LSM2: variants seen among roughly 807,000 people sequenced by gnomAD.
LSM2 encodes the protein U6 snRNA-associated Sm-like protein LSm2.
Under a neutral mutation model 17.0 loss-of-function variants are expected in LSM2, and 12 were observed. The ratio of observed to expected loss-of-function variants is 0.70; its 90% CI spans 0.45 to 1.14. The LOEUF is 1.14. Among genes scored for constraint, LSM2 ranks in the 50% most tolerant of loss-of-function variants. The probability of loss-of-function intolerance (pLI) is 0.00; values close to 1 mark genes in which losing one functional copy is unlikely to be tolerated. For synonymous variants in LSM2, 42 were observed against 44.5 expected, an observed-to-expected ratio of 0.94 and a Z score of 0.22; for missense variants, 62 against 111.8, an observed-to-expected ratio of 0.55 and a Z score of 2.01.
chr6:31,797,571 C>T lies in LSM2; in HGVS notation c.*186G>A. On this transcript the variant is annotated 3_prime_UTR_variant, in exon 5 of 5. Coordinates refer to ENST00000375661, the MANE Select transcript of LSM2 (RefSeq NM_021177.5). ...AGTTTCCCAGCCTACTTATCCTCCC[C>T]TTCTCAAGAGAGGATAGCTGTTCCC... 1.3e-6 allele frequency: 1 copy of T among 794,230 alleles called. No individual in the cohort carries two copies. The highest frequency in any genetic ancestry group is 1.8e-5 in the South Asian group (1 of 54,530). 49.2% of individuals were successfully genotyped at this position (794,230 alleles called of 1,614,324 possible). A position where few individuals can be genotyped will look rare whatever the true frequency, so the allele number is the denominator to read the frequency against.
At position 31,806,934 on chromosome 6, in the gene LSM2, T is replaced by G. The variant is rs530503952; in HGVS notation, c.-177A>C. The G allele has an allele frequency of 2.5e-6, 2 of 792,440 alleles. No homozygotes were observed. Among genetic ancestry groups the G allele is most frequent in the Admixed American group, 6.3e-5 (2 of 31,762 alleles). 49.1% of individuals were successfully genotyped at this position (792,440 alleles called of 1,614,324 possible). The stretch of plus-strand genomic sequence containing the variant: ...GGGCAAAGCGCGGCCGACTTGCGGC[T>G]GGGGAGCGCAAGCTGGGTAGAGTAG... On this transcript the variant is annotated 5_prime_UTR_variant, in exon 1 of 5. Coordinates refer to ENST00000375661, the MANE Select transcript of LSM2 (RefSeq NM_021177.5).
intron 2 of LSM2, among the ~76,000 whole-genome samples, chr6:31,802,523 A>C (rs1314032975): frequency 1.3e-5 from 2 of 151,918 alleles, no homozygotes; most frequent in African/African-American, 2.4e-5. Context: ...TGAACCAGGG[A>C]GTCGGAGGTT....
At chr6:31,805,650 A>C (rs146246745) in intron 2 of LSM2, among the ~76,000 whole-genome samples, 1 of 152,300 alleles carries the variant, frequency 6.6e-6, no homozygotes, top group East Asian at 1.9e-4. Flanking sequence ...GGCATGAGCC[A>C]CACGTCCAGC....
At chr6:31,803,687 T>G (rs1814846371) in intron 2 of LSM2, among the ~76,000 whole-genome samples, 1 of 151,976 alleles carries the variant, frequency 6.6e-6, no homozygotes. Flanking sequence ...TTCATGTGAT[T>G]CTCCAGCCTC....
intron 2 of LSM2, among the ~76,000 whole-genome samples, chr6:31,799,043 C>A (rs558987930): frequency 6.6e-6 from 1 of 151,926 alleles, no homozygotes; most frequent in Non-Finnish European, 1.5e-5. Flanking sequence ...GCCAAACCAA[C>A]CTATTCTTAA....
intron 2 of LSM2, among the ~76,000 whole-genome samples, chr6:31,801,074 G>A (rs1403896375): frequency 6.6e-6 from 1 of 151,140 alleles, no homozygotes; most frequent in Non-Finnish European, 1.5e-5. Context: ...AGGAGGCTGA[G>A]GCACGAGAAT....
chr6:31,800,991 A>C (rs1303355831), intron 2 of LSM2, among the ~76,000 whole-genome samples: 1 of 151,562 alleles, frequency 6.6e-6, no homozygotes, highest in Non-Finnish European at 1.5e-5. Context: ...GGAGGAAAAA[A>C]AAAATTTAAA....
chr6:31,797,518 C>T lies in LSM2; in HGVS notation c.*239G>A. On this transcript the variant is annotated 3_prime_UTR_variant, in exon 5 of 5. Coordinates refer to ENST00000375661, the MANE Select transcript of LSM2 (RefSeq NM_021177.5). ...ATCTCCAGAGAAGTAGTGAGAAAGG[C>T]AGGTGCTGGGGACTGGGAAGGCTTT... is the stretch of plus-strand genomic sequence containing the variant. 1 of 530,414 alleles carries T rather than the reference C, an allele frequency of 1.9e-6. No individual in the cohort carries two copies. The highest frequency in any genetic ancestry group is 2.6e-5 in the South Asian group (1 of 37,910). The allele number at this position is 530,414 out of a possible 1,614,324, so 32.9% of individuals were successfully genotyped here. A position where few individuals can be genotyped will look rare whatever the true frequency, so the allele number is the denominator to read the frequency against.
chr6:31,805,442 G>A (rs1289264823), intron 2 of LSM2, among the ~76,000 whole-genome samples: 1 of 149,394 alleles, frequency 6.7e-6, no homozygotes, highest in African/African-American at 2.5e-5. Flanking sequence ...TCAGCTCACT[G>A]CAACCTCTGC....
At chr6:31,800,528 G>A (rs35604230) in intron 2 of LSM2, among the ~76,000 whole-genome samples, 17,202 of 151,878 alleles carry the variant, frequency 0.11, 1,106 homozygotes, top group African/African-American at 0.17. Context: ...CAAGGTGGGC[G>A]GATCACTTGA....
At chr6:31,805,147 C>T (rs1814950762) in intron 2 of LSM2, among the ~76,000 whole-genome samples, 2 of 152,040 alleles carry the variant, frequency 1.3e-5, no homozygotes, top group South Asian at 4.1e-4. Context: ...TCACTGCAGC[C>T]TTGACCTCCT....
intron 1 of LSM2, chr6:31,806,420 G>A (rs1045163289): frequency 3.3e-6 from 2 of 600,094 alleles, no homozygotes; most frequent in African/African-American, 3.7e-5. Flanking sequence ...CACCTTTCTC[G>A]GGTACCTGCC....
At chr6:31,806,612 A>G in intron 1 of LSM2, 143 bp downstream of exon 1, 1 of 1,139,034 alleles carries the variant, frequency 8.8e-7, no homozygotes, top group Admixed American at 2.1e-5. Flanking sequence ...TGCCTCCTCA[A>G]TGAACCTGAG....
intron 2 of LSM2, among the ~76,000 whole-genome samples, chr6:31,799,543 A>C (rs1814576156): frequency 6.6e-6 from 1 of 151,886 alleles, no homozygotes; most frequent in African/African-American, 2.4e-5. Context: ...TTTTTAGTAG[A>C]GACGGGGTTT....
Position 31,802,487 on chromosome 6 carries a change from C to T in LSM2, c.71+3588G>A, listed in dbSNP as rs143354909. ...GTGCATGCATATAATCCCAGCTACT[C>T]GGGAGGCTGAGGCAGGATAATCACT... On this transcript the variant is annotated intron_variant, in intron 2 of 4. Transcript: ENST00000375661. 9.7e-3 allele frequency among the ~76,000 whole-genome samples: 1,463 copies of T among 150,892 alleles called. 10 individuals are homozygous for T. The highest frequency in any genetic ancestry group is 0.035 in the Middle Eastern group (10 of 284).
chr6:31,802,521 G>A (rs1008857974), intron 2 of LSM2, among the ~76,000 whole-genome samples: 3 of 151,902 alleles, frequency 2.0e-5, no homozygotes, highest in Non-Finnish European at 4.4e-5. Context: ...CTTGAACCAG[G>A]GAGTCGGAGG....
intron 2 of LSM2, among the ~76,000 whole-genome samples, chr6:31,799,202 C>T (rs1468799803): frequency 1.3e-5 from 2 of 152,140 alleles, no homozygotes; most frequent in Non-Finnish European, 2.9e-5. Context: ...ATGGGAACTT[C>T]AGTCCAAGTC....
At position 31,798,091 on chromosome 6, in the gene LSM2, T is replaced by A. The variant is rs779952795; in HGVS notation, c.103-42A>T. 21 of 1,468,004 alleles carry A rather than the reference T, an allele frequency of 1.4e-5. No homozygotes were observed. The African/African-American group carries it at 1.4e-4, about 10-fold the overall frequency. The allele number at this position is 1,468,004 out of a possible 1,614,324, so 90.9% of individuals were successfully genotyped here. A position where few individuals can be genotyped will look rare whatever the true frequency, so the allele number is the denominator to read the frequency against. ...AACACCATTATTATTATTATTTTTT[T>A]TTTTTTGAGACAAGAGTTTTGCTCT... On this transcript the variant is annotated intron_variant, in intron 3 of 4. Coordinates refer to ENST00000375661, the MANE Select transcript of LSM2 (RefSeq NM_021177.5).
intron 2 of LSM2, 129 bp downstream of exon 2, chr6:31,805,946 G>T: frequency 1.3e-6 from 1 of 793,734 alleles, no homozygotes. Context: ...TTGAGCCACT[G>T]CACCCTATCC....
Sources: allele counts gnomAD v4.1 joint callset (sites outside exome capture counted in the v4.1 genomes callset), GRCh38; gene constraint gnomAD v4.1.1; transcripts MANE v1.5; gene names NCBI Gene and HGNC (gene_info 2026-07-23, HGNC 2026-07-21).